EFNA5: variants seen among roughly 807,000 people sequenced by gnomAD.
The protein encoded by EFNA5 is ephrin-A5.
Under a neutral mutation model 22.9 loss-of-function variants are expected in EFNA5, and 5 were observed. The ratio of observed to expected loss-of-function variants is 0.22; its 90% CI spans 0.11 to 0.46. EFNA5 has a LOEUF of 0.46. Ranked by LOEUF, EFNA5 falls within the 20% of genes least tolerant of loss-of-function variation. The probability of loss-of-function intolerance (pLI) is 0.99; values close to 1 mark genes in which losing one functional copy is unlikely to be tolerated. For synonymous variants in EFNA5, 113 were observed against 112.2 expected (o/e 1.01, Z -0.04); for missense variants, 237 against 293.3 (o/e 0.81, Z 1.40).
intron 1 of EFNA5, among the ~76,000 whole-genome samples, chr5:107,648,665 T>C (rs1750672893): frequency 6.6e-6 from 1 of 152,166 alleles, no homozygotes; most frequent in African/African-American, 2.4e-5. Context: ...TCATCAACTC[T>C]GATAAGGGAT....
intron 1 of EFNA5, among the ~76,000 whole-genome samples, chr5:107,635,992 C>T (rs1442941903): frequency 6.6e-6 from 1 of 152,160 alleles, no homozygotes; most frequent in Non-Finnish European, 1.5e-5. Flanking sequence ...CCTTTCTTAT[C>T]CTTTTTATGA....
intron 2 of EFNA5, among the ~76,000 whole-genome samples, chr5:107,422,384 G>T (rs182493161): frequency 1.3e-5 from 2 of 152,212 alleles, no homozygotes; most frequent in African/African-American, 4.8e-5. Flanking sequence ...TAATGTCAGG[G>T]ATGATAAGTG....
At chr5:107,514,615 TG>T (rs1206047789) in intron 1 of EFNA5, among the ~76,000 whole-genome samples, 2 of 152,112 alleles carry the variant, frequency 1.3e-5, no homozygotes, top group African/African-American at 4.8e-5. Context: ...CAAAGGCCAA[TG>T]GTAACCCTAA....
At chr5:107,601,530 GC>G (rs1749594959) in intron 1 of EFNA5, among the ~76,000 whole-genome samples, 1 of 152,158 alleles carries the variant, frequency 6.6e-6, no homozygotes, top group Non-Finnish European at 1.5e-5. Context: ...TAAGAAGAGA[GC>G]AAAATAACAT....
intron 1 of EFNA5, among the ~76,000 whole-genome samples, chr5:107,481,296 C>A (rs1044183429): frequency 6.6e-6 from 1 of 152,188 alleles, no homozygotes; most frequent in Non-Finnish European, 1.5e-5. Context: ...TGGATGAGAA[C>A]TGAACTTAAC....
At chr5:107,600,266 A>T (rs1047357212) in intron 1 of EFNA5, among the ~76,000 whole-genome samples, 3 of 152,184 alleles carry the variant, frequency 2.0e-5, no homozygotes, top group Non-Finnish European at 4.4e-5. Context: ...AGTGGCACAG[A>T]AGCTGAAATG....
At position 107,523,309 on chromosome 5, in the gene EFNA5, A is replaced by T. The variant is rs987713337; in HGVS notation, c.126-95800T>A. Among the ~76,000 whole-genome samples the T allele has an allele frequency of 8.9e-4, 135 of 151,816 alleles. 1 individual carries two copies. The highest frequency in any genetic ancestry group is 3.2e-3 in the African/African-American group (131 of 41,442). On this transcript the variant is annotated intron_variant, in intron 1 of 4. Coordinates refer to ENST00000333274, the MANE Select transcript of EFNA5 (RefSeq NM_001962.3). ...AATATGTGCTTCCTTTTTTTTTTTA[A>T]GAAATAGTCTCAGATATTCAACTTG... is the stretch of plus-strand genomic sequence containing the variant.
chr5:107,517,112 T>A (rs568895031), intron 1 of EFNA5, among the ~76,000 whole-genome samples: 4 of 151,804 alleles, frequency 2.6e-5, no homozygotes, highest in African/African-American at 9.7e-5. Context: ...CATTTACACC[T>A]CATGAATTTT....
At chr5:107,384,274 G>T (rs1317482632) in intron 4 of EFNA5, among the ~76,000 whole-genome samples, 1 of 152,152 alleles carries the variant, frequency 6.6e-6, no homozygotes, top group East Asian at 1.9e-4. Flanking sequence ...ATCAAGTTTT[G>T]CCTCCTGGCT....
At chr5:107,547,835 A>AG (rs1234173349) in intron 1 of EFNA5, among the ~76,000 whole-genome samples, 3 of 152,232 alleles carry the variant, frequency 2.0e-5, no homozygotes, top group African/African-American at 7.2e-5. Context: ...TTGGTAAAAT[A>AG]GCTTAACTAA....
intron 1 of EFNA5, among the ~76,000 whole-genome samples, chr5:107,434,810 GTTGA>G (rs1749063692): frequency 6.6e-6 from 1 of 152,204 alleles, no homozygotes; most frequent in Non-Finnish European, 1.5e-5. Context: ...GAACTGGATA[GTTGA>G]TTATTACATT....
At chr5:107,551,503 C>T (rs1187129405) in intron 1 of EFNA5, among the ~76,000 whole-genome samples, 1 of 152,130 alleles carries the variant, frequency 6.6e-6, no homozygotes, top group African/African-American at 2.4e-5. Context: ...TTATTGCCCA[C>T]TGGTCAGCAA....
At chr5:107,466,611 A>T (rs1749991480) in intron 1 of EFNA5, among the ~76,000 whole-genome samples, 1 of 152,154 alleles carries the variant, frequency 6.6e-6, no homozygotes. Flanking sequence ...GCTTTGAGAC[A>T]CTTGCCTTTC....
intron 2 of EFNA5, among the ~76,000 whole-genome samples, chr5:107,409,268 C>G (rs1748299482): frequency 6.6e-6 from 1 of 152,210 alleles, no homozygotes; most frequent in Admixed American, 6.5e-5. Context: ...AGAGTAGCTT[C>G]AGAAGACATC....
chr5:107,602,809 T>A (rs780216041), intron 1 of EFNA5, among the ~76,000 whole-genome samples: 1 of 148,088 alleles, frequency 6.8e-6, no homozygotes, highest in Admixed American at 6.8e-5. Flanking sequence ...CAGAGGAGAA[T>A]AGAAATGATC....
chr5:107,482,386 C>G (rs27853), intron 1 of EFNA5, among the ~76,000 whole-genome samples: 88,317 of 151,746 alleles, frequency 0.58, 26,982 homozygotes, highest in East Asian at 0.83. Flanking sequence ...AACCTGATTT[C>G]TTGGTCCTCC....
chr5:107,592,163 A>G (rs1351232948), intron 1 of EFNA5, among the ~76,000 whole-genome samples: 1 of 141,858 alleles, frequency 7.0e-6, no homozygotes, highest in African/African-American at 2.7e-5. Flanking sequence ...ATCAAACATT[A>G]AATATCATTA....
At chr5:107,502,897 A>C (rs962018612) in intron 1 of EFNA5, among the ~76,000 whole-genome samples, 4 of 152,298 alleles carry the variant, frequency 2.6e-5, no homozygotes, top group Non-Finnish European at 5.9e-5. Context: ...CATTGCCTAC[A>C]GGAACCACTC....
In EFNA5 at chr5:107,584,949, T is replaced by G. The variant is rs76075135; in HGVS notation, c.125+85540A>C. ...CAGAGTGGTCACAACGTAGCAAGTC[T>G]TCTTCTGGTTATTCTAATGTAGGGA... On this transcript the variant is annotated intron_variant, in intron 1 of 4. Coordinates refer to ENST00000333274, the MANE Select transcript of EFNA5 (RefSeq NM_001962.3). 5.8e-3 allele frequency among the ~76,000 whole-genome samples: 886 copies of G among 152,274 alleles called. 10 individuals are homozygous for G. Among genetic ancestry groups the G allele is most frequent in the African/African-American group, 0.02 (838 of 41,550 alleles).
Sources: allele counts gnomAD v4.1 joint callset (sites outside exome capture counted in the v4.1 genomes callset), GRCh38; gene constraint gnomAD v4.1.1; transcripts MANE v1.5; gene names NCBI Gene and HGNC (gene_info 2026-07-23, HGNC 2026-07-21).